Variants in NMT1 observed in about 807,000 individuals in gnomAD.
NMT1 encodes the protein glycylpeptide N-tetradecanoyltransferase 1.
A neutral mutation model predicts 63.4 loss-of-function variants in NMT1; 12 were observed. That is an observed-to-expected ratio of 0.19 (90% CI 0.12 to 0.31). The LOEUF (loss-of-function observed/expected upper bound fraction) is 0.31. NMT1 is among the 10% of genes least tolerant of loss of function. The pLI is 1.00. For missense variants in NMT1, 432 were observed against 634.6 expected, an observed-to-expected ratio of 0.68 and a Z score of 3.43; for synonymous variants, 228 against 234.3, an observed-to-expected ratio of 0.97 and a Z score of 0.25.
chr17:45,082,115 C>T (rs1309025501), intron 2 of NMT1, among the ~76,000 whole-genome samples: 2 of 152,056 alleles, frequency 1.3e-5, no homozygotes, highest in Non-Finnish European at 2.9e-5. Flanking sequence ...AAAGGCCCCC[C>T]CTTTCTTTTT....
In NMT1 at chr17:45,105,508, C is replaced by T. The variant is rs2054196903; in HGVS notation, c.1471-111C>T. On this transcript the variant is annotated intron_variant, in intron 11 of 11. Transcript: ENST00000258960. This position sits in a 1 kb window ranked among gnomAD's most constrained non-coding sequence, Gnocchi z 4.2. ...GCTGGGTGTGAGTCTGCTCCCACAGCACAGGCGGTGGACCCGGGCCCAGCC... is the reference window on the plus strand; with the variant it reads ...GCTGGGTGTGAGTCTGCTCCCACAGTACAGGCGGTGGACCCGGGCCCAGCC... The T allele has an allele frequency of 3.3e-6, 4 of 1,196,564 alleles. No individual in the cohort carries two copies. Among genetic ancestry groups the T allele is most frequent in the Non-Finnish European group, 4.9e-6 (4 of 808,354 alleles). The allele number at this position is 1,196,564 out of a possible 1,614,324, so 74.1% of individuals were successfully genotyped here.
In NMT1 at chr17:45,107,493, A is replaced by G. The variant is rs1385919379; in HGVS notation, c.*1854A>G. 6.6e-6 allele frequency: 1 copy of G among 152,642 alleles called. No homozygotes were observed. Among genetic ancestry groups the G allele is most frequent in the African/African-American group, 2.4e-5 (1 of 41,452 alleles). The allele number at this position is 152,642 out of a possible 1,614,324, so 9.5% of individuals were successfully genotyped here. A position where few individuals can be genotyped will look rare whatever the true frequency, so the allele number is the denominator to read the frequency against. On this transcript the variant is annotated 3_prime_UTR_variant, in exon 12 of 12. Coordinates refer to ENST00000258960, the MANE Select transcript of NMT1 (RefSeq NM_021079.5). ...AGCTGCTGTTCTTAGCAAGATGCGC[A>G]CTGCATTCCACAGGTGGGAGGAGTC...
At chr17:45,083,159 A>C (rs950316717) in intron 2 of NMT1, among the ~76,000 whole-genome samples, 1 of 151,928 alleles carries the variant, frequency 6.6e-6, no homozygotes, top group African/African-American at 2.4e-5. Flanking sequence ...TACTGAAGAT[A>C]CAAAAAAAAA....
At position 45,108,246 on chromosome 17, in the gene NMT1, G is replaced by C. The variant is rs2143532994; in HGVS notation, c.*2607G>C. On this transcript the variant is annotated 3_prime_UTR_variant, in exon 12 of 12. Transcript: ENST00000258960. ...GACCTTTACCTCCTGCCTTTGGATT[G>C]ACTCTGCATTTGACCACGGACTCCA... 1.3e-5 allele frequency: 2 copies of C among 152,530 alleles called. No individual in the cohort carries two copies. Among genetic ancestry groups the C allele is most frequent in the Non-Finnish European group, 2.9e-5 (2 of 68,150 alleles). The allele number at this position is 152,530 out of a possible 1,614,324, so 9.4% of individuals were successfully genotyped here. A position where few individuals can be genotyped will look rare whatever the true frequency, so the allele number is the denominator to read the frequency against.
intron 8 of NMT1, chr17:45,099,804 A>G (rs1489921605): frequency 1.3e-5 from 5 of 372,368 alleles, no homozygotes; most frequent in Non-Finnish European, 2.5e-5. Context: ...TAAGTAAAGC[A>G]TAAATAGAAT....
chr17:45,086,036 G>A (rs1199948235), intron 2 of NMT1, among the ~76,000 whole-genome samples: 2 of 151,726 alleles, frequency 1.3e-5, no homozygotes, highest in African/African-American at 4.8e-5. Context: ...TGCCCAGGCT[G>A]GTCTTGAACT....
At chr17:45,094,143 C>A (rs2054108182) in intron 4 of NMT1, among the ~76,000 whole-genome samples, 2 of 152,122 alleles carry the variant, frequency 1.3e-5, no homozygotes, top group South Asian at 4.1e-4. Context: ...CCCCTTTCCA[C>A]CCCGGCCACC....
chr17:45,091,425 G>A (rs549890985), intron 3 of NMT1, among the ~76,000 whole-genome samples: 1 of 152,294 alleles, frequency 6.6e-6, no homozygotes, highest in South Asian at 2.1e-4. Context: ...GTGAATGGAA[G>A]TGCCTGTTGC....
intron 2 of NMT1, among the ~76,000 whole-genome samples, chr17:45,082,783 AGGCGGG>A (rs953272189): frequency 5.3e-5 from 8 of 152,340 alleles, no homozygotes; most frequent in Non-Finnish European, 1.0e-4. Context: ...TGGGAGGCCA[AGGCGGG>A]TGGATCACCT....
chr17:45,098,323 G>T, intron 6 of NMT1, 59 bp from the exon 7 acceptor site: 1 of 1,545,700 alleles, frequency 6.5e-7, no homozygotes, highest in South Asian at 1.2e-5. Context: ...CGTGCTTGAT[G>T]GGATCACCAT....
chr17:45,080,535 C>G (rs36033191), intron 1 of NMT1, among the ~76,000 whole-genome samples: 3,523 of 136,314 alleles, frequency 0.026, 162 homozygotes, highest in African/African-American at 0.095. Context: ...GTGGCATGAT[C>G]TCGGCTCACT....
At chr17:45,068,451 G>A (rs114935344) in intron 1 of NMT1, among the ~76,000 whole-genome samples, 1,557 of 152,214 alleles carry the variant, frequency 0.01, 28 homozygotes, top group African/African-American at 0.035. Flanking sequence ...CAGTCTGGGC[G>A]ACAGAGAGAG....
At chr17:45,068,837 C>A (rs140612871) in intron 1 of NMT1, among the ~76,000 whole-genome samples, 15 of 152,120 alleles carry the variant, frequency 9.9e-5, no homozygotes, top group African/African-American at 3.4e-4. Context: ...AATAGAGACA[C>A]GGTTTTGCCA....
rs1397891517 is a variant in NMT1 at position 45,102,971 on chromosome 17, G to A, written c.1014G>A (p.Leu338=). ...TCCAGACTCCCAAGACAGCTGGGCT[G>A]CGACCAATGGAAACAAAGGACATTC... The part of the protein sequence containing the change: ...RLPETPKTAG[L]RPMETKDIPV... The change falls in exon 9 of 12, where the codon CTG becomes CTA. Residue 338 remains leucine, a synonymous_variant. Transcript: ENST00000258960. 1 of 1,612,638 alleles carries A rather than the reference G, an allele frequency of 6.2e-7. No homozygotes were observed. Among genetic ancestry groups the A allele is most frequent in the Non-Finnish European group, 8.5e-7 (1 of 1,178,782 alleles).
At position 45,108,237 on chromosome 17, in the gene NMT1, C is replaced by G. The variant is rs550454414; in HGVS notation, c.*2598C>G. 4.6e-5 allele frequency: 7 copies of G among 152,570 alleles called. No individual in the cohort carries two copies. In the South Asian group the frequency reaches 1.4e-3, roughly 32 times the overall value. The allele number at this position is 152,570 out of a possible 1,614,324, so 9.5% of individuals were successfully genotyped here. On this transcript the variant is annotated 3_prime_UTR_variant, in exon 12 of 12. Transcript: ENST00000258960. ...TTCAAAGACGACCTTTACCTCCTGC[C>G]TTTGGATTGACTCTGCATTTGACCA...
intron 4 of NMT1, among the ~76,000 whole-genome samples, chr17:45,094,818 T>G (rs1241801857): frequency 6.8e-6 from 1 of 146,704 alleles, no homozygotes; most frequent in Non-Finnish European, 1.5e-5. Context: ...GCCTGGCTTT[T>G]TTTTTTTTTT....
intron 4 of NMT1, among the ~76,000 whole-genome samples, chr17:45,095,920 C>T (rs1339903710): frequency 6.6e-6 from 1 of 152,178 alleles, no homozygotes; most frequent in Non-Finnish European, 1.5e-5. Context: ...ACCAGTGGCT[C>T]TCCATTGTTG....
intron 2 of NMT1, among the ~76,000 whole-genome samples, chr17:45,084,057 A>G (rs187292950): frequency 6.6e-6 from 1 of 152,220 alleles, no homozygotes; most frequent in Non-Finnish European, 1.5e-5. Flanking sequence ...TTAGAAGAAA[A>G]TGTATGTAGT....
At chr17:45,091,507 C>T (rs2054087896) in intron 3 of NMT1, among the ~76,000 whole-genome samples, 1 of 151,986 alleles carries the variant, frequency 6.6e-6, no homozygotes, top group African/African-American at 2.4e-5. Context: ...TAGGGAAGAC[C>T]ATCAGTATTC....
Sources: allele counts gnomAD v4.1 joint callset (sites outside exome capture counted in the v4.1 genomes callset), GRCh38; gene constraint gnomAD v4.1.1; non-coding constraint Gnocchi (gnomAD v3.1); transcripts MANE v1.5; gene names NCBI Gene and HGNC (gene_info 2026-07-23, HGNC 2026-07-21).